Variants in FIP1L1 observed in about 807,000 individuals in gnomAD.
FIP1L1 encodes pre-mRNA 3'-end-processing factor FIP1.
FIP1L1 carries 21 observed loss-of-function variants against 84.6 expected under a neutral mutation model. That is an observed-to-expected ratio of 0.25 (90% CI 0.18 to 0.36). The LOEUF is 0.36. Among genes scored for constraint, FIP1L1 ranks in the 10% least tolerant of loss-of-function variants. The pLI is 1.00. For missense variants in FIP1L1, 526 were observed against 751.1 expected, an observed-to-expected ratio of 0.70 and a Z score of 3.50; for synonymous variants, 263 against 242.3, an observed-to-expected ratio of 1.09 and a Z score of -0.80.
intron 5 of FIP1L1, among the ~76,000 whole-genome samples, chr4:53,384,932 T>A (rs1272949242): frequency 6.6e-6 from 1 of 152,174 alleles, no homozygotes; most frequent in African/African-American, 2.4e-5. Flanking sequence ...ATTTTATTAG[T>A]AGAGTCATTT....
chr4:53,399,689 T>G, intron 9 of FIP1L1, 41 bp from the exon 10 acceptor site: 1 of 1,281,218 alleles, frequency 7.8e-7, no homozygotes, highest in East Asian at 2.3e-5. Flanking sequence ...TGTTTGAGTG[T>G]TCTGTTAAAT....
chr4:53,432,853 C>T (rs1380442558), intron 13 of FIP1L1, among the ~76,000 whole-genome samples: 7 of 152,024 alleles, frequency 4.6e-5, no homozygotes, highest in South Asian at 2.1e-4. Flanking sequence ...TATTGGATTA[C>T]GTGTATTTGT....
intron 10 of FIP1L1, among the ~76,000 whole-genome samples, chr4:53,406,843 A>G (rs1267955380): frequency 6.6e-6 from 1 of 152,050 alleles, no homozygotes; most frequent in African/African-American, 2.4e-5. Flanking sequence ...TTTCTGTGGG[A>G]TCGGTGGTGA....
At chr4:53,449,773 T>C (rs1294282508) in intron 15 of FIP1L1, among the ~76,000 whole-genome samples, 2 of 152,070 alleles carry the variant, frequency 1.3e-5, no homozygotes, top group African/African-American at 4.8e-5. Flanking sequence ...TTAATGTCTT[T>C]AATAGTTATT....
chr4:53,388,526 G>A (rs556308013), intron 5 of FIP1L1, among the ~76,000 whole-genome samples: 13 of 152,030 alleles, frequency 8.6e-5, no homozygotes, highest in Admixed American at 2.0e-4. Flanking sequence ...TAGTGGAGAC[G>A]GGGTTTCATG....
At chr4:53,442,313 A>C (rs558159666) in intron 13 of FIP1L1, 4 of 185,938 alleles carry the variant, frequency 2.2e-5, no homozygotes, top group Admixed American at 5.8e-5. Context: ...AAATATTTCA[A>C]ATATATCTGG....
Position 53,441,147 on chromosome 4 carries a change from TTTTA to T in FIP1L1, c.1175-1482_1175-1479del, listed in dbSNP as rs533161734. ...CTAGGAGTTTATATGTGGCCCAGTG[TTTTA>T]TTTATTTATTTATTTATTTATTTTT... On this transcript the variant is annotated intron_variant, in intron 13 of 17. Transcript: ENST00000337488. Among the ~76,000 whole-genome samples, 281 of 151,826 alleles carry T rather than the reference TTTTA, an allele frequency of 1.9e-3. 1 individual carries two copies. The highest frequency in any genetic ancestry group is 2.9e-3 in the Non-Finnish European group (195 of 67,766).
chr4:53,449,534 T>G (rs1181941936), intron 15 of FIP1L1, among the ~76,000 whole-genome samples: 1 of 152,212 alleles, frequency 6.6e-6, no homozygotes, highest in Non-Finnish European at 1.5e-5. Flanking sequence ...TATTTAGGAT[T>G]TTGACATCTA....
intron 13 of FIP1L1, among the ~76,000 whole-genome samples, chr4:53,435,720 C>A (rs1008652276): frequency 1.3e-5 from 2 of 151,966 alleles, no homozygotes; most frequent in African/African-American, 4.8e-5. Flanking sequence ...TAACTTAAAA[C>A]TTTTTTTGCA....
At chr4:53,390,405 TTG>T in intron 6 of FIP1L1, 114 bp from the exon 7 acceptor site, 1 of 604,464 alleles carries the variant, frequency 1.7e-6, no homozygotes. Context: ...TGTTTTCTGT[TTG>T]TGTGTGTATA....
chr4:53,458,921 G>A, intron 17 of FIP1L1, 131 bp downstream of exon 17: 1 of 1,007,804 alleles, frequency 9.9e-7, no homozygotes, highest in Non-Finnish European at 1.4e-6. Context: ...AAAAATTCAG[G>A]GCCTTGTCTC....
chr4:53,411,967 A>T lies in FIP1L1; in HGVS notation c.816-2648A>T, dbSNP rs1287341190. ...CATACTTTTGTAAACCAGGATATAGACTGATAGAACGTTTTTATTACCCCC... is the reference window on the plus strand; with the variant it reads ...CATACTTTTGTAAACCAGGATATAGTCTGATAGAACGTTTTTATTACCCCC... On this transcript the variant is annotated intron_variant, in intron 10 of 17. Coordinates refer to ENST00000337488, the MANE Select transcript of FIP1L1 (RefSeq NM_030917.4). Among the ~76,000 whole-genome samples, 3 of 152,066 alleles carry T rather than the reference A, an allele frequency of 2.0e-5. No individual in the cohort carries two copies. In the East Asian group the frequency reaches 5.8e-4, roughly 29 times the overall value.
intron 6 of FIP1L1, 82 bp from the exon 7 acceptor site, chr4:53,390,439 G>A (rs376633164): frequency 3.8e-6 from 3 of 784,524 alleles, no homozygotes; most frequent in African/African-American, 1.8e-5. Flanking sequence ...TAGTAAAAAG[G>A]TGTTTATATT....
At chr4:53,394,866 AG>A (rs1391181415) in intron 9 of FIP1L1, among the ~76,000 whole-genome samples, 6 of 152,208 alleles carry the variant, frequency 3.9e-5, no homozygotes, top group African/African-American at 1.4e-4. Context: ...TTACTTAACA[AG>A]GGTTTTTTTT....
chr4:53,410,273 A>G lies in FIP1L1; in HGVS notation c.816-4342A>G, dbSNP rs139837674. On this transcript the variant is annotated intron_variant, in intron 10 of 17. Coordinates refer to ENST00000337488, the MANE Select transcript of FIP1L1 (RefSeq NM_030917.4). ...GGTCAGCTTATGAGGCACCCACTTA[A>G]CTGAGCTTTTTCACCTTTCTGATTT... 4.6e-5 allele frequency among the ~76,000 whole-genome samples: 7 copies of G among 152,316 alleles called. No homozygotes were observed. The East Asian group carries it at 1.3e-3, about 29-fold the overall frequency.
intron 15 of FIP1L1, among the ~76,000 whole-genome samples, chr4:53,452,360 C>T (rs543381813): frequency 2.4e-4 from 37 of 151,996 alleles, no homozygotes; most frequent in African/African-American, 8.0e-4. Flanking sequence ...ACTCTGTCGC[C>T]CAGGCTAGAG....
chr4:53,433,732 C>G (rs142695266), intron 13 of FIP1L1, among the ~76,000 whole-genome samples: 325 of 152,236 alleles, frequency 2.1e-3, no homozygotes, highest in Non-Finnish European at 3.8e-3. Context: ...AAACCAGGAT[C>G]CCTGCTTTTA....
At chr4:53,413,903 TCAGAA>T (rs1758299321) in intron 10 of FIP1L1, among the ~76,000 whole-genome samples, 1 of 152,154 alleles carries the variant, frequency 6.6e-6, no homozygotes. Flanking sequence ...TTCATTCCTG[TCAGAA>T]CAGATTTCAT....
At chr4:53,455,954 A>T (rs1429747803) in intron 16 of FIP1L1, among the ~76,000 whole-genome samples, 1 of 152,088 alleles carries the variant, frequency 6.6e-6, no homozygotes, top group Non-Finnish European at 1.5e-5. Context: ...GTGTGTGTGC[A>T]TGAGTATATG....
Sources: gnomAD v4.1 joint callset for allele counts (sites outside exome capture counted in the v4.1 genomes callset) on GRCh38, gnomAD v4.1.1 for gene constraint, MANE v1.5 for transcripts, NCBI Gene and HGNC (gene_info 2026-07-23, HGNC 2026-07-21) for gene names.